HOOK3: variants seen among roughly 807,000 people sequenced by gnomAD.
The protein encoded by HOOK3 is hook microtubule tethering protein 3.
In HOOK3, 24 loss-of-function variants were observed where a neutral mutation model predicts 116.3. The ratio of observed to expected loss-of-function variants is 0.21; its 90% CI spans 0.15 to 0.29. The LOEUF (loss-of-function observed/expected upper bound fraction) is 0.29. Among genes scored for constraint, HOOK3 ranks in the 10% least tolerant of loss-of-function variants. HOOK3 has a pLI of 1.00. For missense variants in HOOK3, 632 were observed against 830.2 expected (o/e 0.76, Z 2.93); for synonymous variants, 275 against 283.0 (o/e 0.97, Z 0.28).
At chr8:42,921,007 G>T (rs1033087206) in intron 2 of HOOK3, among the ~76,000 whole-genome samples, 1 of 152,252 alleles carries the variant, frequency 6.6e-6, no homozygotes, top group South Asian at 2.1e-4. Context: ...ATCTTTTAAG[G>T]AATAAGCAGG....
chr8:42,955,492 A>C (rs1330194692), intron 6 of HOOK3, among the ~76,000 whole-genome samples: 1 of 152,354 alleles, frequency 6.6e-6, no homozygotes, highest in East Asian at 1.9e-4. Context: ...GAATATTGAC[A>C]AAAGTCATAG....
chr8:43,026,631 G>A lies in HOOK3; in HGVS notation c.*8133G>A, dbSNP rs935772907. 12 of 219,834 alleles carry A rather than the reference G, an allele frequency of 5.5e-5. No individual in the cohort carries two copies. The highest frequency in any genetic ancestry group is 2.2e-4 in the African/African-American group (10 of 44,594). 13.6% of individuals were successfully genotyped at this position (219,834 alleles called of 1,614,324 possible). ...CCCATCTTACAGTTAATCAGAAGAT[G>A]TTCTTACCTTTGGTTTGCCTGCCTC... is the stretch of plus-strand genomic sequence containing the variant. On this transcript the variant is annotated 3_prime_UTR_variant, in exon 22 of 22. Transcript: ENST00000307602.
In HOOK3 at chr8:43,024,641, C is replaced by G. The variant is rs1809899437; in HGVS notation, c.*6143C>G. 1.1e-5 allele frequency: 2 copies of G among 186,136 alleles called. No homozygotes were observed. The highest frequency in any genetic ancestry group is 2.0e-4 in the South Asian group (1 of 5,120). The allele number at this position is 186,136 out of a possible 1,614,324, so 11.5% of individuals were successfully genotyped here. The stretch of plus-strand genomic sequence containing the variant: ...AGGCTATTCTCAATGTATCTGTCGT[C>G]TAATTTTTTATTTTCTATCTATAAA... On this transcript the variant is annotated 3_prime_UTR_variant, in exon 22 of 22. Coordinates refer to ENST00000307602, the MANE Select transcript of HOOK3 (RefSeq NM_032410.4).
intron 6 of HOOK3, among the ~76,000 whole-genome samples, chr8:42,951,278 C>A (rs1808340394): frequency 6.6e-6 from 1 of 151,266 alleles, no homozygotes; most frequent in African/African-American, 2.4e-5. Flanking sequence ...TCAGGCTGGT[C>A]TCGAACTCCT....
chr8:42,936,027 G>A (rs1807963192), intron 4 of HOOK3, among the ~76,000 whole-genome samples: 1 of 152,190 alleles, frequency 6.6e-6, no homozygotes, highest in Non-Finnish European at 1.5e-5. Context: ...CCATGAGCAT[G>A]GAATATTTGT....
chr8:42,962,831 C>T (rs1475696373), intron 8 of HOOK3, among the ~76,000 whole-genome samples: 5 of 121,260 alleles, frequency 4.1e-5, no homozygotes, highest in Admixed American at 2.0e-4. Flanking sequence ...GACAAAGTCT[C>T]GCTCTTGTCC....
chr8:42,925,515 A>C, intron 2 of HOOK3, 42 bp from the exon 3 acceptor site: 4 of 1,305,732 alleles, frequency 3.1e-6, no homozygotes, highest in Non-Finnish European at 2.2e-6. Context: ...TTAGCTTGAT[A>C]GCTACATGAT....
chr8:42,962,243 T>G (rs191089860), intron 8 of HOOK3, among the ~76,000 whole-genome samples: 20 of 150,924 alleles, frequency 1.3e-4, no homozygotes, highest in South Asian at 8.4e-4. Flanking sequence ...CCACTAGGCT[T>G]GGCTAAAATT....
chr8:42,928,063 A>G (rs147620712), intron 3 of HOOK3, among the ~76,000 whole-genome samples: 2 of 152,062 alleles, frequency 1.3e-5, no homozygotes, highest in African/African-American at 4.8e-5. Flanking sequence ...TGGGTGGATC[A>G]TAGGTCAAGA....
Position 43,027,388 on chromosome 8 carries a change from A to G in HOOK3, c.*8890A>G, listed in dbSNP as rs767485064. On this transcript the variant is annotated 3_prime_UTR_variant, in exon 22 of 22. Transcript: ENST00000307602. ...ACAATTACTGCCAAAGAATAGAGAG[A>G]TTTGCTTATGAGAACATTCTGTCAT... 35 of 421,896 alleles carry G rather than the reference A, an allele frequency of 8.3e-5. No individual in the cohort carries two copies. The highest frequency in any genetic ancestry group is 6.1e-4 in the South Asian group (33 of 54,054). 26.1% of individuals were successfully genotyped at this position (421,896 alleles called of 1,614,324 possible).
chr8:42,941,242 G>C (rs1011959005), intron 4 of HOOK3, among the ~76,000 whole-genome samples: 1 of 149,582 alleles, frequency 6.7e-6, no homozygotes, highest in Non-Finnish European at 1.5e-5. Context: ...CCGGCTGGGC[G>C]CAGTGGCTCA....
intron 3 of HOOK3, among the ~76,000 whole-genome samples, chr8:42,929,357 A>G (rs375070816): frequency 6.6e-6 from 1 of 152,312 alleles, no homozygotes; most frequent in African/African-American, 2.4e-5. Context: ...GCTGTGATTC[A>G]GGCTCTTATT....
At chr8:43,011,256 G>A (rs1249344557) in intron 19 of HOOK3, among the ~76,000 whole-genome samples, 1 of 152,142 alleles carries the variant, frequency 6.6e-6, no homozygotes, top group Admixed American at 6.5e-5. Flanking sequence ...GCCTCCCAAA[G>A]TGCTGGGATT....
chr8:42,994,957 T>G (rs1276456100), intron 15 of HOOK3, among the ~76,000 whole-genome samples: 2 of 152,236 alleles, frequency 1.3e-5, no homozygotes, highest in Non-Finnish European at 2.9e-5. Context: ...AAATAATCTT[T>G]TAGTTGAATA....
At chr8:42,947,379 G>A (rs1808249294) in intron 5 of HOOK3, among the ~76,000 whole-genome samples, 1 of 152,172 alleles carries the variant, frequency 6.6e-6, no homozygotes, top group South Asian at 2.1e-4. Context: ...CTTTGGAAGT[G>A]CACAACTGTT....
intron 5 of HOOK3, 97 bp downstream of exon 5, chr8:42,943,542 A>T (rs948600106): frequency 1.2e-6 from 1 of 806,812 alleles, no homozygotes; most frequent in African/African-American, 1.8e-5. Context: ...CAACAGTAAC[A>T]TCTGTTTAAG....
intron 14 of HOOK3, 80 bp downstream of exon 14, chr8:42,982,776 A>G (rs955989967): frequency 1.2e-5 from 11 of 921,048 alleles, no homozygotes; most frequent in Non-Finnish European, 1.7e-5. Flanking sequence ...TGAAGAAGAT[A>G]ATTTCCTTAT....
At chr8:42,902,534 A>C (rs1807212192) in intron 1 of HOOK3, among the ~76,000 whole-genome samples, 1 of 152,024 alleles carries the variant, frequency 6.6e-6, no homozygotes, top group South Asian at 2.1e-4. Context: ...GACCTCCCAT[A>C]GTGCTGAGGT....
At chr8:42,985,958 G>A (rs937143424) in intron 14 of HOOK3, among the ~76,000 whole-genome samples, 1 of 152,020 alleles carries the variant, frequency 6.6e-6, no homozygotes, top group Non-Finnish European at 1.5e-5. Flanking sequence ...CATAGTGTTT[G>A]GTATCTGTTC....
Sources: gnomAD v4.1 joint callset for allele counts (sites outside exome capture counted in the v4.1 genomes callset) on GRCh38, gnomAD v4.1.1 for gene constraint, MANE v1.5 for transcripts, NCBI Gene and HGNC (gene_info 2026-07-23, HGNC 2026-07-21) for gene names.